Variants in FHIT observed in about 807,000 individuals in gnomAD.
FHIT encodes bis(5'-adenosyl)-triphosphatase.
FHIT carries 19 observed loss-of-function variants against 17.9 expected under a neutral mutation model. The observed-to-expected ratio is 1.06, with a 90% confidence interval of 0.74 to 1.56. The LOEUF (loss-of-function observed/expected upper bound fraction) is 1.56, where lower values mean the gene tolerates loss of function less well. Among genes scored for constraint, FHIT ranks in the 40% most tolerant of loss-of-function variants. The probability of loss-of-function intolerance (pLI) is 0.00; values close to 1 mark genes in which losing one functional copy is unlikely to be tolerated. For missense variants in FHIT, 248 were observed against 189.2 expected (o/e 1.31, Z -1.82); for synonymous variants, 81 against 69.7 (o/e 1.16, Z -0.81).
intron 8 of FHIT, among the ~76,000 whole-genome samples, chr3:59,877,837 AAAGT>A (rs1220869518): frequency 6.6e-6 from 1 of 152,208 alleles, no homozygotes; most frequent in African/African-American, 2.4e-5. Context: ...AAATAGAAAG[AAAGT>A]ATTTCCCTAT....
chr3:60,696,157 T>C (rs1553700591), intron 4 of FHIT, among the ~76,000 whole-genome samples: 1 of 152,106 alleles, frequency 6.6e-6, no homozygotes, highest in African/African-American at 2.4e-5. Flanking sequence ...AAGGAAACCA[T>C]GGCTCTATAT....
intron 8 of FHIT, among the ~76,000 whole-genome samples, chr3:59,764,911 C>T (rs1262145770): frequency 4.7e-5 from 3 of 63,244 alleles, no homozygotes; most frequent in Non-Finnish European, 1.1e-4. Context: ...CACACACACA[C>T]ACACACACAG....
intron 4 of FHIT, among the ~76,000 whole-genome samples, chr3:60,573,055 C>T (rs782728179): frequency 1.3e-5 from 2 of 152,178 alleles, no homozygotes; most frequent in African/African-American, 4.8e-5. Flanking sequence ...GTGGCAGGCT[C>T]AGGACCTGCA....
intron 7 of FHIT, among the ~76,000 whole-genome samples, chr3:59,960,217 C>G (rs1228806767): frequency 6.6e-6 from 1 of 152,186 alleles, no homozygotes; most frequent in African/African-American, 2.4e-5. Flanking sequence ...AATGGAGATG[C>G]AGCAACCTGT....
intron 5 of FHIT, among the ~76,000 whole-genome samples, chr3:60,112,581 T>G (rs1704724644): frequency 6.6e-6 from 1 of 152,180 alleles, no homozygotes; most frequent in Admixed American, 6.5e-5. Flanking sequence ...GGCCTCCACA[T>G]GGCTTTCACC....
At chr3:59,817,562 T>TAAAAA (rs10691937) in intron 8 of FHIT, among the ~76,000 whole-genome samples, 4 of 93,800 alleles carry the variant, frequency 4.3e-5, no homozygotes, top group Non-Finnish European at 5.9e-5. Flanking sequence ...CACCCGTCAC[T>TAAAAA]AAAAAAAAAA....
At chr3:60,838,352 G>A (rs960934343) in intron 3 of FHIT, among the ~76,000 whole-genome samples, 1 of 151,980 alleles carries the variant, frequency 6.6e-6, no homozygotes, top group Non-Finnish European at 1.5e-5. Context: ...GGCGCCTGTA[G>A]TCCCAGCGAC....
At chr3:60,031,625 G>A (rs1701005515) in intron 5 of FHIT, among the ~76,000 whole-genome samples, 1 of 152,082 alleles carries the variant, frequency 6.6e-6, no homozygotes, top group Non-Finnish European at 1.5e-5. Context: ...CACCAATGAT[G>A]GACAATTCTT....
chr3:61,110,022 T>A (rs1576031208), intron 2 of FHIT, among the ~76,000 whole-genome samples: 1 of 152,110 alleles, frequency 6.6e-6, no homozygotes, highest in African/African-American at 2.4e-5. Context: ...TCCCCAACAG[T>A]CTCAGCTTCT....
chr3:59,926,469 T>C (rs1705665923), intron 7 of FHIT, among the ~76,000 whole-genome samples: 1 of 152,126 alleles, frequency 6.6e-6, no homozygotes, highest in Non-Finnish European at 1.5e-5. Context: ...TGGATAGAAA[T>C]AAGTGTCCTG....
Position 60,226,703 on chromosome 3 carries a change from G to A in FHIT, c.104-212551C>T, listed in dbSNP as rs1280650588. On this transcript the variant is annotated intron_variant, in intron 5 of 9. Coordinates refer to ENST00000492590, the MANE Select transcript of FHIT (RefSeq NM_002012.4). Reference sequence around the variant, plus strand: ...ATATAGAGGAAGGAGGGAGAATCAGGAAGGGGACTTATGGGGTCACATGGA... The same window carrying A: ...ATATAGAGGAAGGAGGGAGAATCAGAAAGGGGACTTATGGGGTCACATGGA... 4.6e-5 allele frequency among the ~76,000 whole-genome samples: 7 copies of A among 152,240 alleles called. No individual in the cohort carries two copies. In the Middle Eastern group the frequency reaches 0.01, roughly 222 times the overall value.
chr3:59,976,951 G>A (rs1236013888), intron 7 of FHIT, among the ~76,000 whole-genome samples: 2 of 152,054 alleles, frequency 1.3e-5, no homozygotes, highest in Non-Finnish European at 2.9e-5. Flanking sequence ...AATGGTGAAG[G>A]GCTTTTAATT....
At chr3:60,164,981 G>T (rs141123320) in intron 5 of FHIT, among the ~76,000 whole-genome samples, 8 of 152,012 alleles carry the variant, frequency 5.3e-5, no homozygotes, top group African/African-American at 1.9e-4. Context: ...GAGTCACAAC[G>T]CAAAAACAAG....
At position 60,325,362 on chromosome 3, in the gene FHIT, T is replaced by G. The variant is rs537706356; in HGVS notation, c.103+211498A>C. ...TTTTGATAAATTAAATAATATGCAG[T>G]ATGAGTATTAGAGTTTGAAATGTTT... is the stretch of plus-strand genomic sequence containing the variant. On this transcript the variant is annotated intron_variant, in intron 5 of 9. Coordinates refer to ENST00000492590, the MANE Select transcript of FHIT (RefSeq NM_002012.4). Among the ~76,000 whole-genome samples, 20 of 152,300 alleles carry G rather than the reference T, an allele frequency of 1.3e-4. No individual in the cohort carries two copies. The South Asian group carries it at 3.9e-3, about 30-fold the overall frequency.
chr3:60,926,296 A>G (rs1256141910), intron 3 of FHIT, among the ~76,000 whole-genome samples: 1 of 152,216 alleles, frequency 6.6e-6, no homozygotes, highest in Admixed American at 6.5e-5. Flanking sequence ...AATTGACTAC[A>G]TAGTTGGAAG....
chr3:60,735,141 G>A (rs1002234939), intron 4 of FHIT, among the ~76,000 whole-genome samples: 3 of 152,188 alleles, frequency 2.0e-5, no homozygotes, highest in Non-Finnish European at 2.9e-5. Flanking sequence ...ACTTGTAAGA[G>A]ACCAGAAATT....
chr3:60,418,697 T>C (rs1702358588), intron 5 of FHIT, among the ~76,000 whole-genome samples: 1 of 150,890 alleles, frequency 6.6e-6, no homozygotes, highest in Admixed American at 6.6e-5. Flanking sequence ...TGGAATATTA[T>C]GCAACATCTA....
intron 4 of FHIT, among the ~76,000 whole-genome samples, chr3:60,538,149 G>T (rs1039448727): frequency 6.6e-6 from 1 of 152,132 alleles, no homozygotes; most frequent in African/African-American, 2.4e-5. Flanking sequence ...ACCAATAACA[G>T]ACAACAGAGA....
At chr3:60,644,212 T>G (rs1298301605) in intron 4 of FHIT, among the ~76,000 whole-genome samples, 4 of 152,226 alleles carry the variant, frequency 2.6e-5, no homozygotes, top group African/African-American at 9.6e-5. Context: ...AGAGAAAATT[T>G]AACATGCTTT....
Sources: allele counts gnomAD v4.1 joint callset (sites outside exome capture counted in the v4.1 genomes callset), GRCh38; gene constraint gnomAD v4.1.1; transcripts MANE v1.5; gene names NCBI Gene and HGNC (gene_info 2026-07-23, HGNC 2026-07-21).